LRP1B: variants seen among roughly 807,000 people sequenced by gnomAD.
LRP1B encodes LDL receptor related protein 1B, also known as low-density lipoprotein receptor-related protein 1B.
In LRP1B, 217 loss-of-function variants were observed where a neutral mutation model predicts 556.6. That is an observed-to-expected ratio of 0.39 (90% confidence interval 0.35 to 0.44). The LOEUF is 0.44. LRP1B is among the 20% of genes least tolerant of loss of function. LRP1B has a pLI of 1.00. For missense variants in LRP1B, 5,053 were observed against 5,620.8 expected (o/e 0.90, Z 3.23); for synonymous variants, 2,047 against 1,865.8 (o/e 1.10, Z -2.50).
intron 2 of LRP1B, among the ~76,000 whole-genome samples, chr2:141,568,013 C>T (rs1686396114): frequency 6.6e-6 from 1 of 150,590 alleles, no homozygotes; most frequent in East Asian, 1.9e-4. Context: ...GTTATTCAGG[C>T]TTTCAACAAA....
intron 41 of LRP1B, among the ~76,000 whole-genome samples, chr2:140,621,986 C>T (rs931184554): frequency 1.5e-4 from 23 of 152,216 alleles, no homozygotes; most frequent in Admixed American, 2.6e-4. Context: ...TAGCAACAAA[C>T]AGCCTTAATT....
chr2:141,322,873 G>T (rs1031834423), intron 3 of LRP1B, among the ~76,000 whole-genome samples: 2 of 151,962 alleles, frequency 1.3e-5, no homozygotes, highest in African/African-American at 2.4e-5. Flanking sequence ...ATGCTCAGTA[G>T]AGCAGGAGTT....
chr2:141,973,038 T>C (rs1266055178), intron 1 of LRP1B, among the ~76,000 whole-genome samples: 2 of 151,658 alleles, frequency 1.3e-5, no homozygotes, highest in African/African-American at 4.8e-5. Flanking sequence ...CTTATAGTAC[T>C]TCAGACTTCA....
intron 1 of LRP1B, among the ~76,000 whole-genome samples, chr2:142,003,261 T>A (rs912999278): frequency 3.3e-5 from 5 of 152,220 alleles, no homozygotes; most frequent in Admixed American, 3.3e-4. Flanking sequence ...ATGCAATATA[T>A]CAAATGCCTA....
At chr2:140,723,771 T>C (rs75779376) in intron 35 of LRP1B, among the ~76,000 whole-genome samples, 1,840 of 152,308 alleles carry the variant, frequency 0.012, 48 homozygotes, top group African/African-American at 0.042. Flanking sequence ...GGCACCTAAC[T>C]TGAGAATAAC....
chr2:140,292,697 C>T (rs532423214), intron 84 of LRP1B, among the ~76,000 whole-genome samples: 9 of 152,152 alleles, frequency 5.9e-5, no homozygotes, highest in Non-Finnish European at 1.3e-4. Flanking sequence ...TCAGACATTA[C>T]ACTGTGAGTT....
intron 2 of LRP1B, among the ~76,000 whole-genome samples, chr2:141,527,356 A>T (rs765283654): frequency 1.6e-4 from 25 of 151,874 alleles, no homozygotes; most frequent in Non-Finnish European, 3.4e-4. Flanking sequence ...CATGATGTAT[A>T]AAAAAAACAT....
intron 1 of LRP1B, among the ~76,000 whole-genome samples, chr2:142,071,893 C>G (rs1191736403): frequency 6.6e-6 from 1 of 151,966 alleles, no homozygotes; most frequent in Admixed American, 6.6e-5. Flanking sequence ...ATCCAGTATG[C>G]CCAAAATGGA....
chr2:141,741,989 T>C (rs887623630), intron 2 of LRP1B, among the ~76,000 whole-genome samples: 8 of 152,188 alleles, frequency 5.3e-5, no homozygotes, highest in African/African-American at 1.4e-4. Flanking sequence ...GATAGGCGTC[T>C]AGCTTCATTC....
intron 60 of LRP1B, among the ~76,000 whole-genome samples, chr2:140,469,018 AC>A (rs917325295): frequency 1.3e-5 from 2 of 152,186 alleles, no homozygotes; most frequent in African/African-American, 4.8e-5. Flanking sequence ...AAGACTATAG[AC>A]TTTTGAGTTA....
intron 3 of LRP1B, among the ~76,000 whole-genome samples, chr2:141,310,911 T>C (rs1402512796): frequency 6.6e-6 from 1 of 152,202 alleles, no homozygotes; most frequent in Non-Finnish European, 1.5e-5. Context: ...TCCTTTGGGA[T>C]GAAAACATAA....
At chr2:140,884,551 C>T (rs1693576575) in intron 24 of LRP1B, among the ~76,000 whole-genome samples, 1 of 151,898 alleles carries the variant, frequency 6.6e-6, no homozygotes, top group Admixed American at 6.6e-5. Context: ...AAAGATCAAC[C>T]CCAGATGACC....
At chr2:140,933,876 G>C (rs1225891485) in intron 20 of LRP1B, among the ~76,000 whole-genome samples, 1 of 151,962 alleles carries the variant, frequency 6.6e-6, no homozygotes, top group East Asian at 1.9e-4. Flanking sequence ...CAAAAGCCTT[G>C]AGTTGTCTTT....
intron 2 of LRP1B, among the ~76,000 whole-genome samples, chr2:141,666,488 C>A (rs1377883797): frequency 2.0e-5 from 3 of 152,144 alleles, no homozygotes; most frequent in Admixed American, 6.5e-5. Context: ...TAGGTACATC[C>A]TTTCAAGTTT....
intron 21 of LRP1B, among the ~76,000 whole-genome samples, chr2:140,914,660 C>T (rs1001038147): frequency 9.2e-5 from 14 of 151,952 alleles, no homozygotes; most frequent in Non-Finnish European, 1.9e-4. Context: ...ACACATATTA[C>T]GTGCTCAACA....
intron 90 of LRP1B, among the ~76,000 whole-genome samples, chr2:140,234,000 T>TA (rs1192597387): frequency 6.6e-6 from 1 of 151,328 alleles, no homozygotes; most frequent in Non-Finnish European, 1.5e-5. Flanking sequence ...AACATATACA[T>TA]ACAATGTTCA....
At chr2:141,935,625 T>C (rs1355298540) in intron 1 of LRP1B, among the ~76,000 whole-genome samples, 1 of 152,074 alleles carries the variant, frequency 6.6e-6, no homozygotes, top group Non-Finnish European at 1.5e-5. Flanking sequence ...GATGAAAAAA[T>C]GATCTAGTTA....
In LRP1B at chr2:140,375,165, C is replaced by CTG. The variant is rs773327824; in HGVS notation, c.10639-2030_10639-2029dup. Among the ~76,000 whole-genome samples, 8 of 134,816 alleles carry CTG rather than the reference C, an allele frequency of 5.9e-5. No individual in the cohort carries two copies. The South Asian group carries it at 1.7e-3, about 28-fold the overall frequency. 88.4% of individuals were successfully genotyped at this position (134,816 alleles called of 152,430 possible). ...TGTTGTGAACTCATTGATTTTTATA[C>CTG]TGTGTGTATGTGTGTGTGTGTGTGT... is the stretch of plus-strand genomic sequence containing the variant. On this transcript the variant is annotated intron_variant, in intron 68 of 90. Transcript: ENST00000389484.
At position 140,335,629 on chromosome 2, in the gene LRP1B, T is replaced by G. The variant is rs1426925351; in HGVS notation, c.12102A>C (p.Val4034=). The change falls in exon 78 of 91, where the codon GTA becomes GTC. Residue 4034 remains valine (V), a synonymous_variant. Transcript: ENST00000389484. Reference sequence around the variant, plus strand: ...CATTAACCTACCCTCTTTTAGGATTTACTGCAATAGCATAGGGTTCTCCAG... The same window carrying G: ...CATTAACCTACCCTCTTTTAGGATTGACTGCAATAGCATAGGGTTCTCCAG... ...NMAGEPYAIA[V]NPKRGMMYWT... is the part of the protein sequence containing the mutation. 6.2e-7 allele frequency: 1 copy of G among 1,604,794 alleles called. No individual in the cohort carries two copies. The highest frequency in any genetic ancestry group is 1.7e-5 in the Admixed American group (1 of 59,838).
Sources: gnomAD v4.1 joint callset for allele counts (sites outside exome capture counted in the v4.1 genomes callset) on GRCh38, gnomAD v4.1.1 for gene constraint, MANE v1.5 for transcripts, NCBI Gene and HGNC (gene_info 2026-07-23, HGNC 2026-07-21) for gene names.